Variants in PTK7 observed in about 807,000 individuals in gnomAD.
PTK7 encodes the protein inactive tyrosine-protein kinase 7.
PTK7 carries 39 observed loss-of-function variants against 116.6 expected under a neutral mutation model. The ratio of observed to expected loss-of-function variants is 0.33; its 90% CI spans 0.26 to 0.44. The LOEUF is 0.44. Among genes scored for constraint, PTK7 ranks in the 20% least tolerant of loss-of-function variants. The pLI, the probability that PTK7 is intolerant of heterozygous loss-of-function variation, is 1.00. For synonymous variants in PTK7, 546 were observed against 563.6 expected, an observed-to-expected ratio of 0.97 and a Z score of 0.44; for missense variants, 1,169 against 1,425.6, an observed-to-expected ratio of 0.82 and a Z score of 2.90.
rs556792187 is a variant in PTK7, at chr6:43,121,154, C to T, written c.80-7823C>T. Among the ~76,000 whole-genome samples the T allele has an allele frequency of 6.0e-5, 9 of 150,720 alleles. No individual in the cohort carries two copies. In the South Asian group the frequency reaches 1.7e-3, roughly 28 times the overall value. ...CCTCCCAAGTTGCTGGGATTACAGGCGCTGTGCCTGACTCAGCTGGCTGGC... is the reference window on the plus strand; with the variant it reads ...CCTCCCAAGTTGCTGGGATTACAGGTGCTGTGCCTGACTCAGCTGGCTGGC... On this transcript the variant is annotated intron_variant, in intron 1 of 19. Transcript: ENST00000230419.
chr6:43,138,794 T>G, intron 7 of PTK7, 55 bp from the exon 8 acceptor site: 3 of 1,542,208 alleles, frequency 1.9e-6, no homozygotes, highest in South Asian at 1.3e-5. Flanking sequence ...AGATGGATCC[T>G]TTAGTTTTGG....
At chr6:43,101,197 A>G (rs950751336) in intron 1 of PTK7, among the ~76,000 whole-genome samples, 1 of 150,394 alleles carries the variant, frequency 6.6e-6, no homozygotes, top group Non-Finnish European at 1.5e-5. Context: ...CCTGGGCAAC[A>G]AGAGCGAAGC....
intron 17 of PTK7, among the ~76,000 whole-genome samples, chr6:43,154,848 CACTGGTGGGCAG>C (rs1561987938): frequency 6.6e-6 from 1 of 152,250 alleles, no homozygotes; most frequent in Non-Finnish European, 1.5e-5. Context: ...CCTCTGTGCC[CACTGGTGGGCAG>C]ACAGTCCATC....
intron 18 of PTK7, 160 bp from the exon 19 acceptor site, chr6:43,159,628 G>A (rs1582237361): frequency 1.5e-6 from 1 of 685,446 alleles, no homozygotes; most frequent in Non-Finnish European, 2.6e-6. Flanking sequence ...TTTGTCTAGT[G>A]TACTCCCATG....
At chr6:43,128,468 C>T (rs1383501149) in intron 1 of PTK7, among the ~76,000 whole-genome samples, 2 of 152,202 alleles carry the variant, frequency 1.3e-5, no homozygotes. Context: ...TTGTATCCTA[C>T]AGAGCACTCA....
At chr6:43,099,785 T>A (rs975875678) in intron 1 of PTK7, among the ~76,000 whole-genome samples, 1 of 152,210 alleles carries the variant, frequency 6.6e-6, no homozygotes, top group African/African-American at 2.4e-5. Context: ...TATTAAAGAA[T>A]CTGGCTGGGG....
Position 43,144,564 on chromosome 6 carries a change from A to G in PTK7, c.2365A>G (p.Met789Val), listed in dbSNP as rs756567044. The G allele has an allele frequency of 5.0e-6, 8 of 1,613,972 alleles. No homozygotes were observed. The highest frequency in any genetic ancestry group is 6.8e-6 in the Non-Finnish European group (8 of 1,179,982). ...CAAACGCCACAGCACAAGTGATAAG[A>G]TGCACTTCCCACGGTCTAGCCTGCA... ...TNKRHSTSDK[M>V]HFPRSSLQPI... is the part of the protein sequence containing the mutation. Residue 789 changes from methionine to valine, a missense_variant, in exon 15 of 20, where the codon ATG (methionine) becomes GTG (valine). By Grantham distance (21) the Met-to-Val change is conservative. Transcript: ENST00000230419.
chr6:43,113,734 TA>T (rs1296436023), intron 1 of PTK7, among the ~76,000 whole-genome samples: 1 of 152,216 alleles, frequency 6.6e-6, no homozygotes, highest in African/African-American at 2.4e-5. Flanking sequence ...ACTCCTGGCC[TA>T]ATGGCTCAGA....
chr6:43,132,074 G>A lies in PTK7; in HGVS notation c.871G>A (p.Val291Ile), dbSNP rs768758723. ...CAACGGGTCTCTGCTGCTGACCCAGGTCCGGCCACGCAATGCAGGGATCTA... is the reference window on the plus strand; with the variant it reads ...CAACGGGTCTCTGCTGCTGACCCAGATCCGGCCACGCAATGCAGGGATCTA... ...FANGSLLLTQ[V>I]RPRNAGIYRC... Residue 291 changes from valine (V) to isoleucine (I), a missense_variant, in exon 6 of 20, where the codon GTC becomes ATC. Coordinates refer to ENST00000230419, the MANE Select transcript of PTK7 (RefSeq NM_002821.5). The A allele has an allele frequency of 7.4e-6, 12 of 1,613,970 alleles. No homozygotes were observed. The highest frequency in any genetic ancestry group is 4.4e-5 in the South Asian group (4 of 91,094).
At chr6:43,085,767 C>T (rs193240015) in intron 1 of PTK7, among the ~76,000 whole-genome samples, 60 of 151,736 alleles carry the variant, frequency 4.0e-4, no homozygotes, top group African/African-American at 1.4e-3. Flanking sequence ...AACCCCATCT[C>T]TAGTAAAAAT....
At chr6:43,081,460 A>C (rs1435958111) in intron 1 of PTK7, among the ~76,000 whole-genome samples, 1 of 152,086 alleles carries the variant, frequency 6.6e-6, no homozygotes, top group Non-Finnish European at 1.5e-5. Flanking sequence ...GGCTGGAGGC[A>C]TTGGCACGAT....
intron 1 of PTK7, among the ~76,000 whole-genome samples, chr6:43,111,139 C>T (rs1768173760): frequency 6.6e-6 from 1 of 152,206 alleles, no homozygotes; most frequent in Non-Finnish European, 1.5e-5. Flanking sequence ...CTATAAGCAA[C>T]TGCTAATCTG....
chr6:43,160,570 C>A, intron 19 of PTK7, 151 bp from the exon 20 acceptor site: 1 of 967,980 alleles, frequency 1.0e-6, no homozygotes, highest in Non-Finnish European at 1.5e-6. Context: ...GGGGAGTCAT[C>A]TTTTTCCGTT....
At chr6:43,128,005 G>C (rs1387703574) in intron 1 of PTK7, among the ~76,000 whole-genome samples, 1 of 152,210 alleles carries the variant, frequency 6.6e-6, no homozygotes, top group Admixed American at 6.5e-5. Context: ...GAGAATCTTG[G>C]CTTCTCCAGT....
chr6:43,094,468 T>A (rs74465687), intron 1 of PTK7, among the ~76,000 whole-genome samples: 219 of 134,812 alleles, frequency 1.6e-3, no homozygotes, highest in Admixed American at 5.6e-3. Context: ...CAAAAGCAAA[T>A]TTTTTTTTTT....
At chr6:43,089,149 C>T (rs1766813839) in intron 1 of PTK7, among the ~76,000 whole-genome samples, 1 of 152,190 alleles carries the variant, frequency 6.6e-6, no homozygotes, top group Non-Finnish European at 1.5e-5. Flanking sequence ...GAGGTTGGAT[C>T]ATGACCTTGA....
chr6:43,130,309 A>G lies in PTK7; in HGVS notation c.550A>G (p.Asn184Asp), dbSNP rs1769581500. The change falls in exon 4 of 20, where the codon AAC becomes GAC. Residue 184 changes from asparagine (N) to aspartate (D), a missense_variant. By Grantham distance (23) the Asn-to-Asp change is conservative (BLOSUM62 1). This residue lies in a region of PTK7 where 487 missense variants were observed against 549.8 expected (regional missense o/e 0.89). Coordinates refer to ENST00000230419, the MANE Select transcript of PTK7 (RefSeq NM_002821.5). ...SNHTVSSKER[N>D]LTLRPAGPEH... ...CCACACAGTCAGCAGCAAGGAGCGG[A>G]ACCTGACGCTCCGGCCAGCTGGTCC... 1 of 1,612,440 alleles carries G rather than the reference A, an allele frequency of 6.2e-7. No individual in the cohort carries two copies. The highest frequency in any genetic ancestry group is 1.3e-5 in the African/African-American group (1 of 74,918).
chr6:43,123,522 G>A lies in PTK7; in HGVS notation c.80-5455G>A, dbSNP rs138736122. 3.8e-3 allele frequency among the ~76,000 whole-genome samples: 548 copies of A among 144,722 alleles called. 3 individuals are homozygous for A. The highest frequency in any genetic ancestry group is 0.013 in the African/African-American group (491 of 39,270). 94.9% of individuals were successfully genotyped at this position (144,722 alleles called of 152,430 possible). On this transcript the variant is annotated intron_variant, in intron 1 of 19. Coordinates refer to ENST00000230419, the MANE Select transcript of PTK7 (RefSeq NM_002821.5). Reference sequence around the variant, plus strand: ...TTTACACATATGTGTGTGTATACACGCACACATATGCACACATGGGCTGGC... The same window carrying A: ...TTTACACATATGTGTGTGTATACACACACACATATGCACACATGGGCTGGC...
At chr6:43,107,952 C>A (rs913193329) in intron 1 of PTK7, among the ~76,000 whole-genome samples, 1 of 152,084 alleles carries the variant, frequency 6.6e-6, no homozygotes, top group Non-Finnish European at 1.5e-5. Context: ...TGTTAAATAG[C>A]GGTATTAGGG....
Sources: gnomAD v4.1 joint callset for allele counts (sites outside exome capture counted in the v4.1 genomes callset) on GRCh38, gnomAD v4.1.1 for gene constraint, gnomAD v4.1.1 regional missense constraint, MANE v1.5 for transcripts, NCBI Gene and HGNC (gene_info 2026-07-23, HGNC 2026-07-21) for gene names.